CACNG4: variants seen among roughly 807,000 people sequenced by gnomAD.
CACNG4 encodes calcium voltage-gated channel auxiliary subunit gamma 4.
In CACNG4, 8 loss-of-function variants were observed where a neutral mutation model predicts 22.9. The observed-to-expected ratio is 0.35, with a 90% CI of 0.21 to 0.63. The LOEUF (loss-of-function observed/expected upper bound fraction) is 0.63. CACNG4 is among the 30% of genes least tolerant of loss of function. The pLI, the probability that CACNG4 is intolerant of heterozygous loss-of-function variation, is 0.72. For synonymous variants in CACNG4, 188 were observed against 191.9 expected, an observed-to-expected ratio of 0.98 and a Z score of 0.17; for missense variants, 357 against 455.4, an observed-to-expected ratio of 0.78 and a Z score of 1.97.
At chr17:66,990,855 T>C (rs998575967) in intron 1 of CACNG4, among the ~76,000 whole-genome samples, 1 of 151,914 alleles carries the variant, frequency 6.6e-6, no homozygotes, top group African/African-American at 2.4e-5. Context: ...TAATTTTTTG[T>C]ATTTTTAGTA....
intron 1 of CACNG4, among the ~76,000 whole-genome samples, chr17:67,006,460 C>T (rs1429270362): frequency 1.3e-5 from 2 of 152,170 alleles, no homozygotes; most frequent in East Asian, 1.9e-4. Flanking sequence ...GTACTGTCTC[C>T]GTCACCTCCC....
At chr17:67,007,711 G>A (rs903820750) in intron 1 of CACNG4, among the ~76,000 whole-genome samples, 1 of 152,162 alleles carries the variant, frequency 6.6e-6, no homozygotes, top group Non-Finnish European at 1.5e-5. Flanking sequence ...TGTCTGTCCT[G>A]TTCTCCTCTT....
At chr17:67,024,839 G>GC (rs2035553475) in intron 2 of CACNG4, 21 bp from the exon 3 acceptor site, 10 of 1,514,172 alleles carry the variant, frequency 6.6e-6, no homozygotes, top group South Asian at 1.3e-5. Flanking sequence ...TCTGCTTTGT[G>GC]CCCCCCACCT....
At chr17:66,968,865 G>A (rs2035187571) in intron 1 of CACNG4, among the ~76,000 whole-genome samples, 1 of 143,768 alleles carries the variant, frequency 7.0e-6, no homozygotes, top group African/African-American at 2.6e-5. Context: ...CTGTTTCTCA[G>A]TCTCTCTGTG....
intron 1 of CACNG4, among the ~76,000 whole-genome samples, chr17:66,972,443 C>T (rs373969023): frequency 3.3e-4 from 50 of 152,296 alleles, no homozygotes; most frequent in African/African-American, 1.2e-3. Flanking sequence ...CAGTAGCGCT[C>T]CTCCTTCTCC....
At chr17:66,972,982 G>A (rs1032505631) in intron 1 of CACNG4, among the ~76,000 whole-genome samples, 9 of 146,836 alleles carry the variant, frequency 6.1e-5, no homozygotes, top group African/African-American at 1.3e-4. Context: ...GCAGTGGCTC[G>A]CGCCTATAAT....
intron 1 of CACNG4, among the ~76,000 whole-genome samples, chr17:66,979,605 T>C (rs1567750450): frequency 6.6e-6 from 1 of 152,166 alleles, no homozygotes; most frequent in Non-Finnish European, 1.5e-5. Flanking sequence ...CTGATCTCCT[T>C]CTTCTTTCGA....
intron 1 of CACNG4, among the ~76,000 whole-genome samples, chr17:66,988,078 C>A (rs1036410315): frequency 1.3e-5 from 2 of 151,682 alleles, no homozygotes; most frequent in African/African-American, 4.8e-5. Flanking sequence ...CACACACACA[C>A]ACACATGCAA....
chr17:66,988,308 G>A (rs574634363), intron 1 of CACNG4, among the ~76,000 whole-genome samples: 7 of 152,196 alleles, frequency 4.6e-5, no homozygotes, highest in South Asian at 4.2e-4. Flanking sequence ...CCTGTGACTC[G>A]GCCAGTCCGG....
At chr17:67,015,940 G>T (rs1288789535) in intron 1 of CACNG4, among the ~76,000 whole-genome samples, 1 of 152,170 alleles carries the variant, frequency 6.6e-6, no homozygotes, top group Non-Finnish European at 1.5e-5. Context: ...AGCCAGGAGT[G>T]AGAGGGGATG....
intron 1 of CACNG4, among the ~76,000 whole-genome samples, chr17:67,014,406 G>T (rs2035485048): frequency 6.6e-6 from 1 of 152,152 alleles, no homozygotes; most frequent in African/African-American, 2.4e-5. Context: ...AACAGATTCG[G>T]GGGAGGTGAG....
At chr17:67,028,844 A>G (rs1367131840) in intron 3 of CACNG4, among the ~76,000 whole-genome samples, 2 of 152,266 alleles carry the variant, frequency 1.3e-5, no homozygotes, top group African/African-American at 4.8e-5. Context: ...AGAGAATTGG[A>G]TAAACACAAC....
chr17:66,984,358 G>A lies in CACNG4; in HGVS notation c.220+19227G>A, dbSNP rs1273924229. 6.6e-6 allele frequency among the ~76,000 whole-genome samples: 1 copy of A among 152,148 alleles called. No homozygotes were observed. The highest frequency in any genetic ancestry group is 1.5e-5 in the Non-Finnish European group (1 of 68,034). On this transcript the variant is annotated intron_variant, in intron 1 of 3. Coordinates refer to ENST00000262138, the MANE Select transcript of CACNG4 (RefSeq NM_014405.4). The surrounding 1 kb of genome is among the most constrained non-coding windows in gnomAD (Gnocchi z 4.0). ...ACTGCACTCCAGCTCTGGGCAATAA[G>A]CAAGACCCTGTCTCAAAACAAAAAC... is the stretch of plus-strand genomic sequence containing the variant.
intron 1 of CACNG4, among the ~76,000 whole-genome samples, chr17:66,999,882 C>T (rs894066787): frequency 2.0e-4 from 30 of 152,216 alleles, no homozygotes; most frequent in African/African-American, 5.8e-4. Flanking sequence ...TCTGAGTGCG[C>T]GGCCTCCCGA....
At position 66,965,412 on chromosome 17, in the gene CACNG4, C is replaced by A. The variant is rs2143262380; in HGVS notation, c.220+281C>A. On this transcript the variant is annotated intron_variant, in intron 1 of 3. Transcript: ENST00000262138. The stretch of plus-strand genomic sequence containing the variant: ...CACAAACTCTCCACGCGCACACCCC[C>A]TCGCCCACAGACACAATGAAACACA... 1.3e-5 allele frequency among the ~76,000 whole-genome samples: 2 copies of A among 151,476 alleles called. 1 individual carries two copies. The highest frequency in any genetic ancestry group is 4.2e-4 in the South Asian group (2 of 4,798).
chr17:66,974,065 TAAAAGGAA>T (rs1035049927), intron 1 of CACNG4, among the ~76,000 whole-genome samples: 1 of 152,028 alleles, frequency 6.6e-6, no homozygotes, highest in Non-Finnish European at 1.5e-5. Flanking sequence ...CCTTCAACCA[TAAAAGGAA>T]GAAAGGGACA....
intron 1 of CACNG4, among the ~76,000 whole-genome samples, chr17:66,972,117 C>T (rs1269375220): frequency 2.0e-5 from 3 of 152,060 alleles, no homozygotes; most frequent in Admixed American, 6.5e-5. Flanking sequence ...GCCGGCCAGG[C>T]GACAGCACCA....
intron 1 of CACNG4, among the ~76,000 whole-genome samples, chr17:67,013,044 G>C (rs911835296): frequency 6.6e-6 from 1 of 152,222 alleles, no homozygotes; most frequent in Non-Finnish European, 1.5e-5. Flanking sequence ...TGGAGGCTTA[G>C]TGCCCCTGAA....
intron 1 of CACNG4, among the ~76,000 whole-genome samples, chr17:67,007,796 T>C (rs2143337029): frequency 6.6e-6 from 1 of 152,362 alleles, no homozygotes; most frequent in Non-Finnish European, 1.5e-5. Context: ...GTTCATTTCC[T>C]GCTCATGTAA....
Sources: allele counts gnomAD v4.1 joint callset (sites outside exome capture counted in the v4.1 genomes callset), GRCh38; gene constraint gnomAD v4.1.1; non-coding constraint Gnocchi (gnomAD v3.1); transcripts MANE v1.5; gene names NCBI Gene and HGNC (gene_info 2026-07-23, HGNC 2026-07-21).